Variants in PDE1C observed in about 807,000 individuals in gnomAD.
The protein encoded by PDE1C is dual specificity calcium/calmodulin-dependent 3',5'-cyclic nucleotide phosphodiesterase 1C.
Under a neutral mutation model 93.1 loss-of-function variants are expected in PDE1C, and 62 were observed. That is an observed-to-expected ratio of 0.67 (90% CI 0.54 to 0.82). PDE1C has a LOEUF of 0.82. PDE1C is among the 40% of genes least tolerant of loss of function. The pLI is 0.00. For synonymous variants in PDE1C, 325 were observed against 310.1 expected, an observed-to-expected ratio of 1.05 and a Z score of -0.50; for missense variants, 742 against 884.6, an observed-to-expected ratio of 0.84 and a Z score of 2.04.
intron 16 of PDE1C, among the ~76,000 whole-genome samples, chr7:31,776,263 T>C (rs889615957): frequency 2.0e-5 from 3 of 152,194 alleles, no homozygotes; most frequent in Non-Finnish European, 2.9e-5. Context: ...GCTCAGGTCT[T>C]CATCTGCAAA....
At chr7:31,883,207 A>G (rs1464225451) in intron 2 of PDE1C, among the ~76,000 whole-genome samples, 2 of 152,240 alleles carry the variant, frequency 1.3e-5, no homozygotes, top group Non-Finnish European at 2.9e-5. Context: ...AAGCCAATAA[A>G]TACATTCTCA....
rs58479110 is a variant in PDE1C, at chr7:31,920,878, A to G, written c.129-40018T>C. Among the ~76,000 whole-genome samples, 773 of 152,298 alleles carry G rather than the reference A, an allele frequency of 5.1e-3. 9 individuals carry two copies. The highest frequency in any genetic ancestry group is 0.018 in the African/African-American group (745 of 41,564). ...CCTGTCCACCAGAAAACTCGTAGTC[A>G]AGTCTCCATCCTAACAGTTTAACCC... On this transcript the variant is annotated intron_variant, in intron 2 of 17. Coordinates refer to ENST00000396191, the MANE Select transcript of PDE1C (RefSeq NM_001191057.4).
At chr7:32,332,486 T>G (rs2128077460) in intron 1 of PDE1C, among the ~76,000 whole-genome samples, 1 of 152,114 alleles carries the variant, frequency 6.6e-6, no homozygotes, top group South Asian at 2.1e-4. Context: ...TAGTATCTAC[T>G]AAAGCTAAAT....
intron 17 of PDE1C, among the ~76,000 whole-genome samples, chr7:31,767,449 T>C (rs1211314338): frequency 1.3e-5 from 2 of 152,176 alleles, no homozygotes; most frequent in Non-Finnish European, 2.9e-5. Flanking sequence ...CCTGCTGCTC[T>C]GGCAATATGA....
chr7:31,930,615 C>T (rs6943028), intron 2 of PDE1C, among the ~76,000 whole-genome samples: 11,255 of 151,902 alleles, frequency 0.074, 552 homozygotes, highest in Middle Eastern at 0.14. Context: ...CCAAGGCAGG[C>T]GGATCACGAG....
rs181199244 is a variant in PDE1C at position 31,757,738 on chromosome 7, G to A, written c.1961-4185C>T. ...TTCAACCATTGTGGAAGACAGTGTG[G>A]CAATTCCTCAAGAATCTAGAACTAG... is the stretch of plus-strand genomic sequence containing the variant. On this transcript the variant is annotated intron_variant, in intron 17 of 17. Coordinates refer to ENST00000396191, the MANE Select transcript of PDE1C (RefSeq NM_001191057.4). 4.2e-3 allele frequency among the ~76,000 whole-genome samples: 646 copies of A among 152,292 alleles called. 5 individuals carry two copies. The highest frequency in any genetic ancestry group is 0.015 in the African/African-American group (621 of 41,564).
intron 2 of PDE1C, among the ~76,000 whole-genome samples, chr7:32,005,378 A>AT (rs1786058418): frequency 1.3e-5 from 2 of 151,906 alleles, no homozygotes; most frequent in East Asian, 3.9e-4. Context: ...AACACGGTGA[A>AT]ATCCTGTCTC....
At chr7:31,766,037 T>G (rs1285091693) in intron 17 of PDE1C, among the ~76,000 whole-genome samples, 1 of 151,098 alleles carries the variant, frequency 6.6e-6, no homozygotes, top group Non-Finnish European at 1.5e-5. Context: ...ACATAATACA[T>G]GTTAAGGACC....
intron 3 of PDE1C, 28 bp downstream of exon 3, chr7:31,880,719 C>G (rs373584401): frequency 6.7e-6 from 9 of 1,349,554 alleles, no homozygotes; most frequent in South Asian, 3.6e-5. Flanking sequence ...TATCACTATA[C>G]TAATCTCTTT....
At chr7:32,311,372 G>A (rs1783036354) in intron 1 of PDE1C, among the ~76,000 whole-genome samples, 1 of 152,188 alleles carries the variant, frequency 6.6e-6, no homozygotes, top group African/African-American at 2.4e-5. Context: ...CCAATCAACA[G>A]AAAACGAGGG....
intron 1 of PDE1C, among the ~76,000 whole-genome samples, chr7:32,313,609 C>T (rs549271737): frequency 1.8e-4 from 28 of 151,954 alleles, no homozygotes; most frequent in Admixed American, 1.4e-3. Context: ...TGTGGGGACA[C>T]GGATGAAACT....
intron 5 of PDE1C, among the ~76,000 whole-genome samples, 195 bp downstream of exon 5, chr7:31,877,775 T>C (rs965177240): frequency 6.6e-6 from 1 of 151,306 alleles, no homozygotes; most frequent in Non-Finnish European, 1.5e-5. Flanking sequence ...AGAGTTTGAT[T>C]GTTTTTAAAT....
intron 2 of PDE1C, among the ~76,000 whole-genome samples, chr7:31,916,756 A>C (rs1801971890): frequency 6.6e-6 from 1 of 152,130 alleles, no homozygotes; most frequent in South Asian, 2.1e-4. Context: ...ACAAAATACT[A>C]GTTTATATTA....
chr7:32,053,514 C>T (rs1232542732), intron 1 of PDE1C, among the ~76,000 whole-genome samples: 9 of 152,146 alleles, frequency 5.9e-5, no homozygotes, highest in East Asian at 3.9e-4. Flanking sequence ...ACTGGCAAGA[C>T]GAAAAAATAA....
intron 1 of PDE1C, among the ~76,000 whole-genome samples, chr7:32,399,993 T>G (rs73307812): frequency 0.039 from 5,873 of 152,192 alleles, 273 homozygotes; most frequent in African/African-American, 0.12. Context: ...GAGGATACAG[T>G]TCTGTCCATA....
At chr7:31,696,872 T>C in the PDE1C span, 7 of 1,391,748 alleles carry the variant, frequency 5.0e-6, no homozygotes, top group South Asian at 1.0e-4. Context: ...ATATTGACTG[T>C]CTTCACCAGA....
At chr7:31,803,399 T>TTCTTC (rs372230970) in intron 16 of PDE1C, among the ~76,000 whole-genome samples, 6 of 150,088 alleles carry the variant, frequency 4.0e-5, no homozygotes, top group African/African-American at 1.5e-4. Context: ...GCTTTTTCTT[T>TTCTTC]TTATTATTAT....
intron 3 of PDE1C, among the ~76,000 whole-genome samples, chr7:32,113,497 T>G (rs2128757961): frequency 6.6e-6 from 1 of 151,586 alleles, no homozygotes; most frequent in East Asian, 1.9e-4. Flanking sequence ...AACTGTCCTT[T>G]TATTTCTAAT....
At chr7:32,393,776 T>A (rs921421001) in intron 1 of PDE1C, among the ~76,000 whole-genome samples, 1 of 152,246 alleles carries the variant, frequency 6.6e-6, no homozygotes, top group Non-Finnish European at 1.5e-5. Flanking sequence ...TTATGCCACT[T>A]GAATTTGGAG....
Sources: gnomAD v4.1 joint callset for allele counts (sites outside exome capture counted in the v4.1 genomes callset) on GRCh38, gnomAD v4.1.1 for gene constraint, MANE v1.5 for transcripts, NCBI Gene and HGNC (gene_info 2026-07-23, HGNC 2026-07-21) for gene names.